UBE3C: variants seen among roughly 807,000 people sequenced by gnomAD.
UBE3C encodes the protein ubiquitin-protein ligase E3C.
UBE3C carries 42 observed loss-of-function variants against 129.4 expected under a neutral mutation model. The observed-to-expected ratio is 0.32, with a 90% CI of 0.25 to 0.42. UBE3C has a LOEUF of 0.42. Among genes scored for constraint, UBE3C ranks in the 10% least tolerant of loss-of-function variants. UBE3C has a pLI of 1.00. For missense variants in UBE3C, 1,049 were observed against 1,319.1 expected, an observed-to-expected ratio of 0.80 and a Z score of 3.17; for synonymous variants, 510 against 492.4, an observed-to-expected ratio of 1.04 and a Z score of -0.47.
Position 157,201,784 on chromosome 7 carries a change from C to T in UBE3C, c.1395C>T (p.Ser465=). The change falls in exon 11 of 23, where the codon TCC becomes TCT. Residue 465 remains serine, a synonymous_variant. Transcript: ENST00000348165. The part of the protein sequence containing the change: ...FLRHLWFLIS[S]MSTRMITGSM... ...GACATCTTTGGTTTCTAATATCTTC[C>T]ATGTCAACACGGATGATCACAGGGT... 2 of 1,611,722 alleles carry T rather than the reference C, an allele frequency of 1.2e-6. No individual in the cohort carries two copies. Among genetic ancestry groups the T allele is most frequent in the Non-Finnish European group, 8.5e-7 (1 of 1,179,190 alleles).
At position 157,231,359 on chromosome 7, in the gene UBE3C, G is replaced by A. The variant is rs184260135; in HGVS notation, c.2481+32G>A. The A allele has an allele frequency of 1.1e-5, 18 of 1,603,864 alleles. No homozygotes were observed. The African/African-American group carries it at 1.7e-4, about 16-fold the overall frequency. ...TAACCTTCATATAAAAATAGACCTC[G>A]GACCAAAAGATGTTGACATTTTATG... is the stretch of plus-strand genomic sequence containing the variant. On this transcript the variant is annotated intron_variant, in intron 18 of 22. Transcript: ENST00000348165.
chr7:157,156,767 C>T (rs571206856), intron 1 of UBE3C, among the ~76,000 whole-genome samples: 2 of 151,134 alleles, frequency 1.3e-5, no homozygotes, highest in African/African-American at 4.9e-5. Context: ...TGCTGTACTT[C>T]TCCTGTCCCC....
At chr7:157,147,548 G>A (rs1807640521) in intron 1 of UBE3C, among the ~76,000 whole-genome samples, 2 of 151,988 alleles carry the variant, frequency 1.3e-5, no homozygotes. Flanking sequence ...CCATCAGAAA[G>A]CAATGTGTTT....
intron 18 of UBE3C, 133 bp from the exon 19 acceptor site, chr7:157,248,235 C>T (rs904348081): frequency 2.5e-6 from 2 of 786,220 alleles, no homozygotes; most frequent in African/African-American, 3.5e-5. Flanking sequence ...ATATCAGCTT[C>T]CATCTTCGGT....
chr7:157,142,927 T>A (rs1297265334), intron 1 of UBE3C, among the ~76,000 whole-genome samples: 2 of 151,080 alleles, frequency 1.3e-5, no homozygotes, highest in African/African-American at 4.9e-5. Context: ...AGTGCAATGG[T>A]GCGATCTCAG....
chr7:157,253,297 G>C (rs571394085), intron 19 of UBE3C, among the ~76,000 whole-genome samples: 3 of 152,312 alleles, frequency 2.0e-5, no homozygotes, highest in African/African-American at 7.2e-5. Flanking sequence ...TGTTTCCGCT[G>C]TGTTGCTTTT....
intron 1 of UBE3C, among the ~76,000 whole-genome samples, chr7:157,157,827 A>G (rs1807953480): frequency 6.6e-6 from 1 of 152,030 alleles, no homozygotes; most frequent in African/African-American, 2.4e-5. Flanking sequence ...AAAACAGCAC[A>G]AAAATTAGCC....
At chr7:157,139,985 C>T (rs933427588) in intron 1 of UBE3C, 5 of 985,294 alleles carry the variant, frequency 5.1e-6, no homozygotes, top group African/African-American at 3.5e-5. Context: ...TCCGGACTTA[C>T]ATCTGTTGTG....
chr7:157,144,794 A>G (rs1346298482), intron 1 of UBE3C, among the ~76,000 whole-genome samples: 3 of 152,138 alleles, frequency 2.0e-5, no homozygotes, highest in African/African-American at 7.2e-5. Context: ...TTTCTCTATT[A>G]CTAGCATCTG....
At chr7:157,202,262 T>G (rs1809307113) in intron 11 of UBE3C, among the ~76,000 whole-genome samples, 1 of 152,258 alleles carries the variant, frequency 6.6e-6, no homozygotes, top group Non-Finnish European at 1.5e-5. Context: ...TGACTTAACA[T>G]ATTTTAACTG....
At chr7:157,187,111 G>T in intron 10 of UBE3C, 90 bp downstream of exon 10, 2 of 1,384,452 alleles carry the variant, frequency 1.4e-6, no homozygotes, top group Non-Finnish European at 9.7e-7. Flanking sequence ...AGTTTTGTCT[G>T]CTCTTTTCTG....
intron 1 of UBE3C, among the ~76,000 whole-genome samples, chr7:157,145,919 T>C (rs946541230): frequency 1.3e-5 from 2 of 152,230 alleles, no homozygotes; most frequent in African/African-American, 4.8e-5. Context: ...TGAATTTTAA[T>C]GAAGTCCAGC....
At chr7:157,205,067 A>C (rs912524461) in intron 11 of UBE3C, among the ~76,000 whole-genome samples, 3 of 152,194 alleles carry the variant, frequency 2.0e-5, no homozygotes, top group Non-Finnish European at 4.4e-5. Flanking sequence ...TTTCCATTAC[A>C]GTAAGTTGCA....
At chr7:157,255,310 G>T (rs1226478825) in intron 21 of UBE3C, among the ~76,000 whole-genome samples, 1 of 152,168 alleles carries the variant, frequency 6.6e-6, no homozygotes, top group African/African-American at 2.4e-5. Flanking sequence ...CTGTCTACTG[G>T]TGCAAGTGAG....
At position 157,142,949 on chromosome 7, in the gene UBE3C, C is replaced by G. The variant is rs138313684; in HGVS notation, c.66+3611C>G. On this transcript the variant is annotated intron_variant, in intron 1 of 22. Coordinates refer to ENST00000348165, the MANE Select transcript of UBE3C (RefSeq NM_014671.3). ...TGGTGCGATCTCAGCTCACCACAAA[C>G]CTCCACCTCCCGGGTTCAAGCGATT... Among the ~76,000 whole-genome samples, 427 of 151,882 alleles carry G rather than the reference C, an allele frequency of 2.8e-3. 2 individuals are homozygous for G. Among genetic ancestry groups the G allele is most frequent in the African/African-American group, 9.8e-3 (404 of 41,406 alleles).
At chr7:157,254,493 G>C (rs944622914) in intron 21 of UBE3C, among the ~76,000 whole-genome samples, 183 bp downstream of exon 21, 1 of 151,656 alleles carries the variant, frequency 6.6e-6, no homozygotes, top group African/African-American at 2.4e-5. Flanking sequence ...TGCCTCCCGG[G>C]TTCAAGCAAT....
intron 10 of UBE3C, chr7:157,197,550 A>G (rs534818280): frequency 9.0e-6 from 11 of 1,216,432 alleles, no homozygotes; most frequent in Non-Finnish European, 1.3e-5. Flanking sequence ...GTCCTTATTA[A>G]TACGACACAT....
intron 5 of UBE3C, 103 bp downstream of exon 5, chr7:157,175,137 C>CTTT (rs56852731): frequency 0.042 from 10,556 of 249,908 alleles, 302 homozygotes; most frequent in African/African-American, 0.075. Flanking sequence ...CTTTTCCATA[C>CTTT]TTTTTTTTTT....
rs1774156369 is a variant in UBE3C, at chr7:157,269,128, T to A, written c.*1373T>A. The A allele has an allele frequency of 6.6e-6, 1 of 152,664 alleles. No homozygotes were observed. Among genetic ancestry groups the A allele is most frequent in the Admixed American group, 6.5e-5 (1 of 15,284 alleles). The allele number at this position is 152,664 out of a possible 1,614,324, so 9.5% of individuals were successfully genotyped here. ...AGCGTTTAAATGCTATTTGTAGTCT[T>A]GATATACAGAAATAAAATAATTAGG... On this transcript the variant is annotated 3_prime_UTR_variant, in exon 23 of 23. Transcript: ENST00000348165.
Sources: gnomAD v4.1 joint callset for allele counts (sites outside exome capture counted in the v4.1 genomes callset) on GRCh38, gnomAD v4.1.1 for gene constraint, MANE v1.5 for transcripts, NCBI Gene and HGNC (gene_info 2026-07-23, HGNC 2026-07-21) for gene names.